XKR4: variants seen among roughly 807,000 people sequenced by gnomAD.
The protein encoded by XKR4 is XK-related protein 4.
XKR4 carries 12 observed loss-of-function variants against 53.9 expected under a neutral mutation model. The observed-to-expected ratio is 0.22, with a 90% CI of 0.14 to 0.36. The LOEUF (loss-of-function observed/expected upper bound fraction) is 0.36. Among genes scored for constraint, XKR4 ranks in the 10% least tolerant of loss-of-function variants. The probability of loss-of-function intolerance (pLI) is 1.00; values close to 1 mark genes in which losing one functional copy is unlikely to be tolerated. For missense variants in XKR4, 799 were observed against 859.5 expected (o/e 0.93, Z 0.88); for synonymous variants, 354 against 362.4 (o/e 0.98, Z 0.26).
At chr8:55,387,035 GCT>G (rs994700023) in intron 2 of XKR4, among the ~76,000 whole-genome samples, 10 of 152,284 alleles carry the variant, frequency 6.6e-5, no homozygotes, top group African/African-American at 2.4e-4. Context: ...TTTTAGCTGG[GCT>G]CTCTTTGTCT....
intron 1 of XKR4, among the ~76,000 whole-genome samples, chr8:55,212,772 G>A (rs1209842305): frequency 6.6e-6 from 1 of 152,188 alleles, no homozygotes; most frequent in African/African-American, 2.4e-5. Flanking sequence ...CTCTGCAAAG[G>A]ATGATGCATT....
At chr8:55,507,499 C>T (rs1451468787) in intron 2 of XKR4, among the ~76,000 whole-genome samples, 1 of 152,118 alleles carries the variant, frequency 6.6e-6, no homozygotes, top group Non-Finnish European at 1.5e-5. Context: ...TATCCCTAAC[C>T]CCTCCCCGCA....
At chr8:55,407,927 T>C (rs1425925969) in intron 2 of XKR4, among the ~76,000 whole-genome samples, 1 of 152,194 alleles carries the variant, frequency 6.6e-6, no homozygotes, top group Admixed American at 6.5e-5. Flanking sequence ...ACCATGAAAC[T>C]AGGGCAACGG....
chr8:55,477,293 C>T (rs534646945), intron 2 of XKR4, among the ~76,000 whole-genome samples: 3 of 152,284 alleles, frequency 2.0e-5, no homozygotes, highest in Non-Finnish European at 4.4e-5. Flanking sequence ...CCCAGGCAAA[C>T]AGGGTCTGGA....
intron 2 of XKR4, among the ~76,000 whole-genome samples, chr8:55,366,985 T>A (rs974885286): frequency 5.3e-5 from 8 of 152,190 alleles, no homozygotes; most frequent in Non-Finnish European, 8.8e-5. Context: ...CTCCTCTTCC[T>A]CACTTCCTAT....
intron 1 of XKR4, among the ~76,000 whole-genome samples, chr8:55,113,462 C>T (rs1324906343): frequency 1.3e-5 from 2 of 152,172 alleles, no homozygotes; most frequent in East Asian, 1.9e-4. Context: ...AAGCTTAAAG[C>T]AGGGCTTCGC....
At chr8:55,419,213 C>T (rs777061730) in intron 2 of XKR4, among the ~76,000 whole-genome samples, 12 of 151,996 alleles carry the variant, frequency 7.9e-5, no homozygotes, top group Non-Finnish European at 1.6e-4. Flanking sequence ...GGTGAAACCC[C>T]GTCTCTACTA....
At chr8:55,194,734 T>C (rs1817482947) in intron 1 of XKR4, among the ~76,000 whole-genome samples, 1 of 152,196 alleles carries the variant, frequency 6.6e-6, no homozygotes, top group Admixed American at 6.5e-5. Context: ...TGGAGCCCTC[T>C]AATAGCCCTG....
At chr8:55,280,384 TG>T (rs1409885808) in intron 1 of XKR4, among the ~76,000 whole-genome samples, 1 of 152,224 alleles carries the variant, frequency 6.6e-6, no homozygotes, top group African/African-American at 2.4e-5. Flanking sequence ...TAACTCAGGT[TG>T]TGCTGTTACT....
intron 2 of XKR4, among the ~76,000 whole-genome samples, chr8:55,422,660 C>A (rs138138630): frequency 3.9e-5 from 6 of 152,228 alleles, no homozygotes; most frequent in African/African-American, 1.4e-4. Flanking sequence ...GAATGCCAGA[C>A]GGGTGGTTTA....
intron 1 of XKR4, among the ~76,000 whole-genome samples, chr8:55,121,369 A>T (rs551836132): frequency 1.3e-5 from 2 of 152,154 alleles, no homozygotes; most frequent in Admixed American, 6.5e-5. Flanking sequence ...GTGCCAAATG[A>T]CCCTATGTTG....
intron 2 of XKR4, among the ~76,000 whole-genome samples, chr8:55,370,381 G>A (rs1804054602): frequency 6.6e-6 from 1 of 152,158 alleles, no homozygotes; most frequent in Non-Finnish European, 1.5e-5. Flanking sequence ...ATTCTCAGAA[G>A]TGTTCTAATT....
At chr8:55,410,838 C>T (rs535647337) in intron 2 of XKR4, among the ~76,000 whole-genome samples, 1 of 152,286 alleles carries the variant, frequency 6.6e-6, no homozygotes, top group African/African-American at 2.4e-5. Flanking sequence ...GATTCAAACC[C>T]ACTTTGCTAC....
intron 1 of XKR4, among the ~76,000 whole-genome samples, chr8:55,223,613 A>G (rs2129365806): frequency 6.6e-6 from 1 of 152,310 alleles, no homozygotes; most frequent in Non-Finnish European, 1.5e-5. Flanking sequence ...ATTCCTCTAA[A>G]TGTTTGGAGT....
intron 2 of XKR4, among the ~76,000 whole-genome samples, chr8:55,480,005 T>A (rs550222536): frequency 7.4e-5 from 11 of 149,158 alleles, no homozygotes; most frequent in Non-Finnish European, 1.3e-4. Flanking sequence ...CTTCTGAAAC[T>A]ATTCCAATCA....
At chr8:55,235,270 G>A (rs1005739453) in intron 1 of XKR4, among the ~76,000 whole-genome samples, 2 of 152,116 alleles carry the variant, frequency 1.3e-5, no homozygotes, top group Non-Finnish European at 2.9e-5. Flanking sequence ...CTGATCCAGC[G>A]TGATCTCAGC....
At chr8:55,510,215 G>A (rs964534369) in intron 2 of XKR4, among the ~76,000 whole-genome samples, 2 of 152,138 alleles carry the variant, frequency 1.3e-5, no homozygotes, top group Admixed American at 6.5e-5. Context: ...ACGGCTTCCT[G>A]AGCCAGGATC....
chr8:55,204,337 G>A (rs978364920), intron 1 of XKR4, among the ~76,000 whole-genome samples: 9 of 152,170 alleles, frequency 5.9e-5, no homozygotes, highest in Non-Finnish European at 1.0e-4. Flanking sequence ...TAAATGGAAT[G>A]GACCAAACTT....
intron 2 of XKR4, chr8:55,451,840 C>A (rs1805452997): frequency 2.2e-6 from 2 of 917,016 alleles, no homozygotes; most frequent in Non-Finnish European, 3.5e-6. Flanking sequence ...CATGGTCATG[C>A]CGTCCGAGGG....
Sources: gnomAD v4.1 joint callset for allele counts (sites outside exome capture counted in the v4.1 genomes callset) on GRCh38, gnomAD v4.1.1 for gene constraint, MANE v1.5 for transcripts, NCBI Gene and HGNC (gene_info 2026-07-23, HGNC 2026-07-21) for gene names.